XCR1: variants seen among roughly 807,000 people sequenced by gnomAD.
XCR1 encodes the protein chemokine XC receptor 1.
For missense variants in XCR1, 356 were observed against 424.2 expected (o/e 0.84, Z 1.41); for synonymous variants, 187 against 188.5 (o/e 0.99, Z 0.06).
At chr3:46,052,923 C>T (rs760347939) in intron 5 of XCR1, among the ~76,000 whole-genome samples, 49 of 152,152 alleles carry the variant, frequency 3.2e-4, no homozygotes, top group Admixed American at 1.4e-3. Flanking sequence ...GTGGCCCAGG[C>T]GCATTTAGTG....
At chr3:46,022,705 G>A (rs1235108434) in intron 1 of XCR1, among the ~76,000 whole-genome samples, 1 of 152,156 alleles carries the variant, frequency 6.6e-6, no homozygotes, top group African/African-American at 2.4e-5. Context: ...TTAAATGCTT[G>A]TTAAGACAAA....
In XCR1 at chr3:46,020,692, G is replaced by T. The variant is rs574684151; in HGVS notation, c.*254C>A. ...AACACATGTCTAAATGAAGGAGCGT[G>T]CAAGATGAACTCAGAGTTCAAGAAA... On this transcript the variant is annotated 3_prime_UTR_variant, in exon 2 of 2. Coordinates refer to ENST00000309285, the MANE Select transcript of XCR1 (RefSeq NM_001024644.2). 7.2e-6 allele frequency: 4 copies of T among 551,918 alleles called. No homozygotes were observed. Among genetic ancestry groups the T allele is most frequent in the Non-Finnish European group, 1.3e-5 (4 of 311,298 alleles). 34.2% of individuals were successfully genotyped at this position (551,918 alleles called of 1,614,324 possible). A position where few individuals can be genotyped will look rare whatever the true frequency, so the allele number is the denominator to read the frequency against.
At chr3:46,057,874 A>ATCTG (rs202199910) in intron 4 of XCR1, among the ~76,000 whole-genome samples, 34,317 of 141,092 alleles carry the variant, frequency 0.24, 5,537 homozygotes, top group African/African-American at 0.48. Flanking sequence ...TTATCATCTT[A>ATCTG]TCTGTCTGTC....
At chr3:46,022,220 G>T in intron 1 of XCR1, 1 of 374,158 alleles carries the variant, frequency 2.7e-6, no homozygotes, top group Non-Finnish European at 4.8e-6. Flanking sequence ...GGGAAAGATT[G>T]CTTGAGCCCA....
rs527889736 is a variant in XCR1 at position 46,055,061 on chromosome 3, G to T, written c.-182-991C>A. Among the ~76,000 whole-genome samples the T allele has an allele frequency of 2.0e-5, 3 of 152,240 alleles. No individual in the cohort carries two copies. In the South Asian group the frequency reaches 6.2e-4, roughly 31 times the overall value. On this transcript the variant is annotated intron_variant, in intron 4 of 5. Coordinates refer to the XCR1 transcript ENST00000683768. Reference sequence around the variant, plus strand: ...TATATCCCTTGTTGCCCTCTGCAGTGTATTGAGTTCAGGCCAGGAAGAAGT... The same window carrying T: ...TATATCCCTTGTTGCCCTCTGCAGTTTATTGAGTTCAGGCCAGGAAGAAGT...
chr3:46,065,613 C>G (rs1698054818), intron 4 of XCR1, among the ~76,000 whole-genome samples: 1 of 152,222 alleles, frequency 6.6e-6, no homozygotes, highest in South Asian at 2.1e-4. Context: ...AGCCCACTTA[C>G]ACGGCATCAC....
intron 1 of XCR1, among the ~76,000 whole-genome samples, chr3:46,078,096 A>AT (rs1408027585): frequency 6.6e-6 from 1 of 152,156 alleles, no homozygotes; most frequent in East Asian, 1.9e-4. Context: ...AGTTGAAATT[A>AT]TTTTTTAAAA....
intron 5 of XCR1, among the ~76,000 whole-genome samples, chr3:46,053,061 C>G (rs1420392795): frequency 6.6e-6 from 1 of 152,178 alleles, no homozygotes; most frequent in Non-Finnish European, 1.5e-5. Context: ...TTCTATCCAG[C>G]CTGGTCTGCA....
intron 5 of XCR1, among the ~76,000 whole-genome samples, chr3:46,036,357 C>T (rs917026739): frequency 1.3e-5 from 2 of 152,190 alleles, no homozygotes; most frequent in African/African-American, 4.8e-5. Context: ...TGTTGGATTA[C>T]ATATGGGGCA....
chr3:46,030,106 C>T (rs1244041735), upstream of XCR1, among the ~76,000 whole-genome samples: 19 of 151,464 alleles, frequency 1.3e-4, no homozygotes, highest in African/African-American at 4.6e-4. Context: ...AAAGTCATGA[C>T]ATCTGCATAT....
At chr3:46,055,173 C>G (rs751490195) in intron 4 of XCR1, among the ~76,000 whole-genome samples, 1 of 152,186 alleles carries the variant, frequency 6.6e-6, no homozygotes, top group Non-Finnish European at 1.5e-5. Context: ...GGGTACACTT[C>G]CACTCACTTC....
At chr3:46,041,900 C>A (rs887373546) in intron 5 of XCR1, among the ~76,000 whole-genome samples, 1 of 152,140 alleles carries the variant, frequency 6.6e-6, no homozygotes, top group Non-Finnish European at 1.5e-5. Flanking sequence ...TATATAAACC[C>A]CCTAGTTTTA....
chr3:46,085,240 G>T (rs1176577850), intron 1 of XCR1, among the ~76,000 whole-genome samples: 1 of 148,196 alleles, frequency 6.7e-6, no homozygotes, highest in Non-Finnish European at 1.5e-5. Flanking sequence ...TTCCATCACC[G>T]CAAACACAAC....
In XCR1 at chr3:46,021,216, G is replaced by A. The variant is rs1335180467; in HGVS notation, c.732C>T (p.Thr244=). 6.2e-7 allele frequency: 1 copy of A among 1,614,216 alleles called. No individual in the cohort carries two copies. The highest frequency in any genetic ancestry group is 8.5e-7 in the Non-Finnish European group (1 of 1,180,036). ...YFLSWGPYNF[T]LFLQTLFRTQ... is the part of the protein sequence containing the mutation. ...TCCGAAACAGCGTCTGCAGAAACAG[G>A]GTGAAGTTGTAGGGACCCCAGCTGA... Residue 244 remains threonine (T), a synonymous_variant, in exon 2 of 2, where the codon ACC becomes ACT. Coordinates refer to ENST00000309285, the MANE Select transcript of XCR1 (RefSeq NM_001024644.2). This position sits in a 1 kb window ranked among gnomAD's most constrained non-coding sequence, Gnocchi z 4.7.
chr3:46,053,682 C>T (rs59865404), intron 5 of XCR1, among the ~76,000 whole-genome samples: 28,396 of 152,092 alleles, frequency 0.19, 2,831 homozygotes, highest in Middle Eastern at 0.32. Flanking sequence ...CCCAATTTTC[C>T]ACATCAAGAG....
At chr3:46,052,172 C>A (rs1446713665) in intron 5 of XCR1, among the ~76,000 whole-genome samples, 1 of 152,166 alleles carries the variant, frequency 6.6e-6, no homozygotes, top group East Asian at 1.9e-4. Flanking sequence ...TCCCCAAATA[C>A]CGGTGGGAAC....
rs1172430117 is a variant in XCR1 at position 46,076,158 on chromosome 3, AC to A, written c.-328+581del. On this transcript the variant is annotated intron_variant, in intron 2 of 5. Coordinates refer to the XCR1 transcript ENST00000683768. ...ATTCCATGAGCAGCTAAGATTAAGA[AC>A]CACTGCCCAGGGGAGACTTGGATTT... is the stretch of plus-strand genomic sequence containing the variant. 2.6e-5 allele frequency among the ~76,000 whole-genome samples: 4 copies of A among 152,174 alleles called. No homozygotes were observed. The East Asian group carries it at 7.7e-4, about 29-fold the overall frequency.
intron 5 of XCR1, among the ~76,000 whole-genome samples, chr3:46,042,464 T>A (rs1010069851): frequency 2.6e-5 from 4 of 152,146 alleles, no homozygotes; most frequent in Admixed American, 6.5e-5. Context: ...AGAACTCCAA[T>A]TACTAATATC....
intron 1 of XCR1, chr3:46,023,572 GA>G: frequency 6.9e-7 from 1 of 1,458,024 alleles, no homozygotes; most frequent in South Asian, 1.1e-5. Flanking sequence ...CACAGACAAG[GA>G]TGTAGCTGCC....
Sources: allele counts gnomAD v4.1 joint callset (sites outside exome capture counted in the v4.1 genomes callset), GRCh38; gene constraint gnomAD v4.1.1; non-coding constraint Gnocchi (gnomAD v3.1); transcripts MANE v1.5; gene names NCBI Gene and HGNC (gene_info 2026-07-23, HGNC 2026-07-21).